TMCO1: variants seen among roughly 807,000 people sequenced by gnomAD.
TMCO1 encodes the protein transmembrane and coiled-coil domains 1.
Under a neutral mutation model 29.3 loss-of-function variants are expected in TMCO1, and 29 were observed. That is an observed-to-expected ratio of 0.99 (90% CI 0.74 to 1.35). The LOEUF is 1.35. TMCO1 is among the 40% of genes most tolerant of loss of function. The pLI, the probability that TMCO1 is intolerant of heterozygous loss-of-function variation, is 0.00. For missense variants in TMCO1, 173 were observed against 225.5 expected, an observed-to-expected ratio of 0.77 and a Z score of 1.49; for synonymous variants, 80 against 77.1, an observed-to-expected ratio of 1.04 and a Z score of -0.20.
At chr1:165,732,493 CTCTCTCTCTCTCTATA>C (rs932188543) in intron 6 of TMCO1, among the ~76,000 whole-genome samples, 3 of 145,502 alleles carry the variant, frequency 2.1e-5, no homozygotes, top group African/African-American at 8.0e-5. Context: ...CTCTCTCTCT[CTCTCTCTCTCTCTATA>C]TATATATATA....
In TMCO1 at chr1:165,727,163, A is replaced by G; in HGVS notation, c.*860T>C. On this transcript the variant is annotated 3_prime_UTR_variant, in exon 7 of 7. Coordinates refer to ENST00000367881, the MANE Select transcript of TMCO1 (RefSeq NM_019026.6). The stretch of plus-strand genomic sequence containing the variant: ...ATTGTGACTAAAAGGAAGCTCTGCG[A>G]GATTAACAACATATAACTATAACCT... 8.8e-6 allele frequency: 4 copies of G among 454,152 alleles called. No individual in the cohort carries two copies. Among genetic ancestry groups the G allele is most frequent in the South Asian group, 3.1e-5 (2 of 64,476 alleles). The allele number at this position is 454,152 out of a possible 1,614,324, so 28.1% of individuals were successfully genotyped here. A position where few individuals can be genotyped will look rare whatever the true frequency, so the allele number is the denominator to read the frequency against.
chr1:165,743,851 C>T (rs1651691329), intron 5 of TMCO1, among the ~76,000 whole-genome samples: 1 of 150,616 alleles, frequency 6.6e-6, no homozygotes, highest in Admixed American at 6.6e-5. Context: ...TCTGAAAAAT[C>T]TTCTGATAAT....
At chr1:165,768,554 T>A in intron 1 of TMCO1, 128 bp downstream of exon 1, 1 of 1,570,346 alleles carries the variant, frequency 6.4e-7, no homozygotes, top group Non-Finnish European at 8.6e-7. Context: ...GCCCAGAGAT[T>A]CCCTGAAGTG....
Position 165,726,920 on chromosome 1 carries a change from TAAGA to T in TMCO1, c.*1099_*1102del, listed in dbSNP as rs1162693308. ...TGTCTTCTGGACTTTATGGTGCTGA[TAAGA>T]AAGAAGTTTGCTGTTGGTTTAACAA... On this transcript the variant is annotated 3_prime_UTR_variant, in exon 7 of 7. Coordinates refer to ENST00000367881, the MANE Select transcript of TMCO1 (RefSeq NM_019026.6). 2 of 454,106 alleles carry T rather than the reference TAAGA, an allele frequency of 4.4e-6. No homozygotes were observed. The highest frequency in any genetic ancestry group is 8.8e-6 in the Non-Finnish European group (2 of 226,772). The allele number at this position is 454,106 out of a possible 1,614,324, so 28.1% of individuals were successfully genotyped here. A position where few individuals can be genotyped will look rare whatever the true frequency, so the allele number is the denominator to read the frequency against.
At chr1:165,724,326 A>G (rs1489158753), downstream of TMCO1, 9 of 450,352 alleles carry the variant, frequency 2.0e-5, no homozygotes, top group East Asian at 5.6e-4. Flanking sequence ...TCATTAATTA[A>G]TAGATCAAAA....
intron 6 of TMCO1, 68 bp downstream of exon 6, chr1:165,743,099 A>G (rs1450045571): frequency 8.3e-6 from 13 of 1,569,842 alleles, no homozygotes; most frequent in Non-Finnish European, 1.1e-5. Flanking sequence ...AGTATTATAA[A>G]AGTAAAAGCT....
downstream of TMCO1, chr1:165,724,956 T>C (rs1444171241): frequency 2.2e-6 from 1 of 451,556 alleles, no homozygotes; most frequent in Non-Finnish European, 4.4e-6. Flanking sequence ...AGGTGGAGGA[T>C]GGGTTACCTA....
At chr1:165,731,336 GTATTTA>G (rs1178240345) in intron 6 of TMCO1, among the ~76,000 whole-genome samples, 1 of 152,198 alleles carries the variant, frequency 6.6e-6, no homozygotes. Flanking sequence ...CACCTACAAT[GTATTTA>G]GCACTAAGCT....
intron 4 of TMCO1, among the ~76,000 whole-genome samples, chr1:165,752,898 T>C (rs960202955): frequency 2.0e-5 from 3 of 152,152 alleles, no homozygotes; most frequent in Admixed American, 1.3e-4. Context: ...AGGAAGAATA[T>C]TGGGGTGACT....
downstream of TMCO1, chr1:165,726,146 G>A (rs2101780474): frequency 1.4e-6 from 1 of 694,816 alleles, no homozygotes; most frequent in East Asian, 2.7e-5. Context: ...TTGTTATCAT[G>A]GGCATCATTT....
rs1400918276 is a variant in TMCO1 at position 165,752,606 on chromosome 1, A to G, written c.256-437T>C. 3.3e-5 allele frequency among the ~76,000 whole-genome samples: 5 copies of G among 151,610 alleles called. No homozygotes were observed. In the East Asian group the frequency reaches 9.8e-4, roughly 30 times the overall value. On this transcript the variant is annotated intron_variant, in intron 4 of 6. Transcript: ENST00000367881. The stretch of plus-strand genomic sequence containing the variant: ...GTAGCAGTTCAAGACCAGCCTGGCC[A>G]ACATGGTGAAACCCCATCTCTACTA...
intron 6 of TMCO1, among the ~76,000 whole-genome samples, chr1:165,741,404 G>GT (rs1651590221): frequency 6.6e-6 from 1 of 152,090 alleles, no homozygotes; most frequent in Non-Finnish European, 1.5e-5. Context: ...TCACAATGCA[G>GT]TAAGTGCCAG....
At chr1:165,724,305 C>G (rs1354956000), downstream of TMCO1, 2 of 445,634 alleles carry the variant, frequency 4.5e-6, no homozygotes, top group Admixed American at 4.9e-5. Flanking sequence ...AATACCATCA[C>G]TTTTAATATC....
At chr1:165,753,960 A>G (rs1652094601) in intron 4 of TMCO1, among the ~76,000 whole-genome samples, 1 of 152,012 alleles carries the variant, frequency 6.6e-6, no homozygotes, top group South Asian at 2.1e-4. Context: ...ACTTCATTTG[A>G]AAACATAAGA....
chr1:165,736,742 C>CA (rs983383100), intron 6 of TMCO1, among the ~76,000 whole-genome samples: 15 of 147,836 alleles, frequency 1.0e-4, no homozygotes, highest in South Asian at 2.2e-4. Flanking sequence ...AAACAAAAAA[C>CA]AAAAAAAAGA....
At chr1:165,759,421 T>C in intron 3 of TMCO1, 104 bp downstream of exon 3, 1 of 857,686 alleles carries the variant, frequency 1.2e-6, no homozygotes, top group African/African-American at 1.7e-5. Context: ...CATAAAATCA[T>C]AGAAATGTGA....
Position 165,727,943 on chromosome 1 carries a change from A to G in TMCO1, c.*80T>C, listed in dbSNP as rs200627818. 12 of 1,092,852 alleles carry G rather than the reference A, an allele frequency of 1.1e-5. No homozygotes were observed. In the East Asian group the frequency reaches 3.1e-4, roughly 28 times the overall value. The allele number at this position is 1,092,852 out of a possible 1,614,324, so 67.7% of individuals were successfully genotyped here. On this transcript the variant is annotated 3_prime_UTR_variant, in exon 7 of 7. Coordinates refer to ENST00000367881, the MANE Select transcript of TMCO1 (RefSeq NM_019026.6). ...AGAGGCCCAAGTAGTAAGGCTACCT[A>G]TGGCTCTTGCTACAAAACAGTTGCC...
chr1:165,759,566 G>A lies in TMCO1; in HGVS notation c.167C>T (p.Thr56Ile). ...QSKKLEKKKETITESAGRQQK... is the reference protein window; with the variant it reads ...QSKKLEKKKEIITESAGRQQK... Reference sequence around the variant, plus strand: ...TTGTCGACCAGCTGACTCTGTTATTGTTTCCTTCTTCTTTTCCACTGTAAA... The same window carrying A: ...TTGTCGACCAGCTGACTCTGTTATTATTTCCTTCTTCTTTTCCACTGTAAA... The change falls in exon 3 of 7, where the codon ACA becomes ATA. Residue 56 changes from threonine to isoleucine, a missense_variant. Coordinates refer to ENST00000367881, the MANE Select transcript of TMCO1 (RefSeq NM_019026.6). 6.2e-7 allele frequency: 1 copy of A among 1,612,470 alleles called. No homozygotes were observed. Among genetic ancestry groups the A allele is most frequent in the South Asian group, 1.1e-5 (1 of 90,970 alleles).
intron 6 of TMCO1, among the ~76,000 whole-genome samples, chr1:165,738,484 C>T (rs571134547): frequency 7.2e-5 from 11 of 152,202 alleles, no homozygotes; most frequent in African/African-American, 2.6e-4. Context: ...AATAAAACAA[C>T]AACATGTAAC....
Sources: gnomAD v4.1 joint callset for allele counts (sites outside exome capture counted in the v4.1 genomes callset) on GRCh38, gnomAD v4.1.1 for gene constraint, MANE v1.5 for transcripts, NCBI Gene and HGNC (gene_info 2026-07-23, HGNC 2026-07-21) for gene names.